The following WEE2 variants were observed in gnomAD, a reference collection of about 807,000 sequenced individuals.
WEE2 encodes wee1-like protein kinase 2.
Under a neutral mutation model 60.1 loss-of-function variants are expected in WEE2, and 50 were observed. That is an observed-to-expected ratio of 0.83 (90% CI 0.66 to 1.05). The LOEUF is 1.05. WEE2 is among the 50% of genes least tolerant of loss of function. The probability of loss-of-function intolerance (pLI) is 0.00; values close to 1 mark genes in which losing one functional copy is unlikely to be tolerated. For synonymous variants in WEE2, 240 were observed against 241.0 expected (o/e 1.00, Z 0.04); for missense variants, 631 against 684.3 (o/e 0.92, Z 0.87).
intron 10 of WEE2, 125 bp from the exon 11 acceptor site, chr7:141,729,406 T>A: frequency 7.6e-7 from 1 of 1,318,354 alleles, no homozygotes. Context: ...ATTCTGTACA[T>A]AGCTCAGGCT....
intron 3 of WEE2, among the ~76,000 whole-genome samples, 168 bp from the exon 4 acceptor site, chr7:141,718,904 T>C (rs1798853745): frequency 6.6e-6 from 1 of 152,144 alleles, no homozygotes; most frequent in Non-Finnish European, 1.5e-5. Flanking sequence ...TAGTCAGCAA[T>C]TGGGGAGATT....
At chr7:141,723,663 GTTC>G (rs1449149327) in intron 6 of WEE2, among the ~76,000 whole-genome samples, 1 of 152,078 alleles carries the variant, frequency 6.6e-6, no homozygotes, top group Non-Finnish European at 1.5e-5. Flanking sequence ...CCAAGGACAA[GTTC>G]TTACTATTTT....
At chr7:141,720,488 G>T (rs1015753923) in intron 4 of WEE2, among the ~76,000 whole-genome samples, 1 of 152,120 alleles carries the variant, frequency 6.6e-6, no homozygotes, top group Non-Finnish European at 1.5e-5. Context: ...TTATAGAGAT[G>T]AATCAAAGGC....
rs1181409228 is a variant in WEE2, at chr7:141,709,083, AG to A, written c.326del (p.Ser109ThrfsTer9). On this transcript the variant is annotated frameshift_variant, in exon 1 of 12. Transcript: ENST00000397541. LOFTEE classifies it high-confidence loss of function. ...DSRSKLLPSDSPSTPKTMLSR... is the reference protein window; with the variant it reads ...DSRSKLLPSDXPSTPKTMLSR... ...CAGGAGCAAGCTGCTGCCCAGTGACAGCCCCTCTACTCCCAAAGTAAGTAAG... is the reference window on the plus strand; with the variant it reads ...CAGGAGCAAGCTGCTGCCCAGTGACACCCCTCTACTCCCAAAGTAAGTAAG... 1 of 1,613,676 alleles carries A rather than the reference AG, an allele frequency of 6.2e-7. No homozygotes were observed. Among genetic ancestry groups the A allele is most frequent in the Non-Finnish European group, 8.5e-7 (1 of 1,179,644 alleles).
intron 8 of WEE2, among the ~76,000 whole-genome samples, chr7:141,724,749 C>T (rs1289883189): frequency 1.3e-5 from 2 of 152,196 alleles, no homozygotes; most frequent in Admixed American, 6.5e-5. Context: ...GTATTCCCTT[C>T]CTGTGATCAG....
chr7:141,722,342 T>G (rs939958527), intron 5 of WEE2, among the ~76,000 whole-genome samples: 4 of 152,034 alleles, frequency 2.6e-5, no homozygotes, highest in Middle Eastern at 6.8e-3. Context: ...GAGGCGGAGG[T>G]TGCAGCGAGC....
intron 4 of WEE2, among the ~76,000 whole-genome samples, chr7:141,720,502 T>C (rs553502647): frequency 7.2e-5 from 11 of 152,284 alleles, no homozygotes; most frequent in South Asian, 2.1e-4. Context: ...CAAAGGCCCA[T>C]TGCAATATCC....
chr7:141,725,226 T>G, intron 9 of WEE2, 30 bp downstream of exon 9: 1 of 1,593,500 alleles, frequency 6.3e-7, no homozygotes, highest in Non-Finnish European at 8.6e-7. Context: ...GAACAGAAGA[T>G]GCAATATCTA....
chr7:141,725,189 T>C lies in WEE2; in HGVS notation c.1385T>C (p.Leu462Pro). 2 of 1,613,478 alleles carry C rather than the reference T, an allele frequency of 1.2e-6. No homozygotes were observed. The highest frequency in any genetic ancestry group is 1.7e-6 in the Non-Finnish European group (2 of 1,179,702). Residue 462 changes from leucine (L) to proline (P), a missense_variant, in exon 9 of 12, where the codon CTG becomes CCG. Transcript: ENST00000397541. ...GAGCTCTCAGAAAGCTTTTCCAGTC[T>C]GCTCAAGGTGATAGCTCTTACGAGA... is the stretch of plus-strand genomic sequence containing the variant. Reference protein sequence around the residue: ...PQELSESFSSLLKNMIQPDAE... With the variant: ...PQELSESFSSPLKNMIQPDAE...
At chr7:141,719,041 C>T (rs767957321) in intron 3 of WEE2, 31 bp from the exon 4 acceptor site, 1 of 1,600,812 alleles carries the variant, frequency 6.2e-7, no homozygotes, top group Non-Finnish European at 8.5e-7. Flanking sequence ...GGTAGAATTA[C>T]TCTAATTTCC....
chr7:141,723,202 A>G lies in WEE2; in HGVS notation c.949A>G (p.Lys317Glu). ...CAATCATTTTGAAGAGCCAAAACTC[A>G]AGGACATCCTTCTACAGATTTCCCT... ...SGNHFEEPKLKDILLQISLGL... is the reference protein window; with the variant it reads ...SGNHFEEPKLEDILLQISLGL... Residue 317 changes from lysine to glutamate, a missense_variant, in exon 6 of 12, where the codon AAG becomes GAG. Coordinates refer to ENST00000397541, the MANE Select transcript of WEE2 (RefSeq NM_001105558.1). 1 of 1,614,228 alleles carries G rather than the reference A, an allele frequency of 6.2e-7. No individual in the cohort carries two copies. Among genetic ancestry groups the G allele is most frequent in the Non-Finnish European group, 8.5e-7 (1 of 1,180,028 alleles).
Position 141,711,568 on chromosome 7 carries a change from G to C in WEE2, c.342+2468G>C, listed in dbSNP as rs1374748223. 2.6e-5 allele frequency among the ~76,000 whole-genome samples: 4 copies of C among 152,174 alleles called. No homozygotes were observed. The highest frequency in any genetic ancestry group is 5.9e-5 in the Non-Finnish European group (4 of 68,032). On this transcript the variant is annotated intron_variant, in intron 1 of 11. Transcript: ENST00000397541. The surrounding 1 kb of genome is among the most constrained non-coding windows in gnomAD (Gnocchi z 4.2). Reference sequence around the variant, plus strand: ...AGTTCACTGTAAGGACTTCCTGACAGAATCATCTAGAGATAGAAGAGCATG... The same window carrying C: ...AGTTCACTGTAAGGACTTCCTGACACAATCATCTAGAGATAGAAGAGCATG...
intron 5 of WEE2, among the ~76,000 whole-genome samples, 132 bp from the exon 6 acceptor site, chr7:141,722,980 CCATTTTATACAAGGCTCTTGGG>C (rs1798943455): frequency 6.6e-6 from 1 of 152,144 alleles, no homozygotes; most frequent in Non-Finnish European, 1.5e-5. Context: ...GAGTACTATG[CCATTTTATACAAGGCTCTTGGG>C]CATTTGGGGC....
rs371061984 is a variant in WEE2, at chr7:141,729,616, T to C, written c.1621T>C (p.Ser541Pro). 3.1e-6 allele frequency: 5 copies of C among 1,613,882 alleles called. No individual in the cohort carries two copies. The African/African-American group carries it at 6.7e-5, about 22-fold the overall frequency. The stretch of plus-strand genomic sequence containing the variant: ...TGGGGTCTCTGGGACCCACACAGGA[T>C]CAAGAAGCACAAAACGCCTGGTGGG... ...DTGVSGTHTG[S>P]RSTKRLVGGK... Residue 541 changes from serine to proline, a missense_variant, in exon 11 of 12, where the codon TCA becomes CCA. Ser to Pro is a moderately conservative substitution (Grantham distance 74). Coordinates refer to ENST00000397541, the MANE Select transcript of WEE2 (RefSeq NM_001105558.1).
intron 2 of WEE2, among the ~76,000 whole-genome samples, chr7:141,715,138 A>G (rs1168518407): frequency 6.6e-6 from 1 of 152,204 alleles, no homozygotes; most frequent in Non-Finnish European, 1.5e-5. Flanking sequence ...GGAGTCAATG[A>G]GTATGTGTTA....
At chr7:141,719,321 A>C (rs1798862946) in intron 4 of WEE2, 77 bp downstream of exon 4, 1 of 1,311,526 alleles carries the variant, frequency 7.6e-7, no homozygotes, top group South Asian at 1.4e-5. Context: ...TTTTAAATTA[A>C]AGCACCGATG....
rs773519830 is a variant in WEE2, at chr7:141,709,077, A to G, written c.319A>G (p.Ser107Gly). The G allele has an allele frequency of 9.3e-6, 15 of 1,613,690 alleles. No individual in the cohort carries two copies. Among genetic ancestry groups the G allele is most frequent in the Non-Finnish European group, 1.3e-5 (15 of 1,179,728 alleles). ...AGACAGCAGGAGCAAGCTGCTGCCC[A>G]GTGACAGCCCCTCTACTCCCAAAGT... ...QPDSRSKLLP[S>G]DSPSTPKTML... The change falls in exon 1 of 12, where the codon AGT (serine) becomes GGT (glycine). Residue 107 changes from serine to glycine, a missense_variant. Transcript: ENST00000397541.
chr7:141,730,291 ACAG>A lies in WEE2; in HGVS notation c.1679_1681del. On this transcript the variant is annotated splice_acceptor_variant and splice_polypyrimidine_tract_variant and intron_variant, in intron 11 of 11. Transcript: ENST00000397541. LOFTEE classifies it high-confidence loss of function. ...TATTTACTTCTCACACTTTTGATGA[ACAG>A]CAGGAGAGCGTGAGCCTCTGCATTA... 6.2e-7 allele frequency: 1 copy of A among 1,613,132 alleles called. No homozygotes were observed. Among genetic ancestry groups the A allele is most frequent in the Non-Finnish European group, 8.5e-7 (1 of 1,179,556 alleles).
At position 141,723,968 on chromosome 7, in the gene WEE2, A is replaced by G; in HGVS notation, c.1055A>G (p.Gln352Arg). 1 of 1,611,226 alleles carries G rather than the reference A, an allele frequency of 6.2e-7. No individual in the cohort carries two copies. Among genetic ancestry groups the G allele is most frequent in the Admixed American group, 1.7e-5 (1 of 59,540 alleles). Reference sequence around the variant, plus strand: ...AATATATTCATTTGTCACAAGATGCAAAGTGAATCCTCTGGAGTCATAGAA... The same window carrying G: ...AATATATTCATTTGTCACAAGATGCGAAGTGAATCCTCTGGAGTCATAGAA... ...PSNIFICHKM[Q>R]SESSGVIEEV... Residue 352 changes from glutamine (Q) to arginine (R), a missense_variant, in exon 7 of 12, where the codon CAA (glutamine) becomes CGA (arginine). Physicochemically the swap from Gln to Arg is conservative, Grantham distance 43. Coordinates refer to ENST00000397541, the MANE Select transcript of WEE2 (RefSeq NM_001105558.1).
Sources: allele counts gnomAD v4.1 joint callset (sites outside exome capture counted in the v4.1 genomes callset), GRCh38; gene constraint gnomAD v4.1.1; non-coding constraint Gnocchi (gnomAD v3.1); transcripts MANE v1.5; gene names NCBI Gene and HGNC (gene_info 2026-07-23, HGNC 2026-07-21).